Variants in RTN3 observed in about 807,000 individuals in gnomAD.
RTN3 encodes reticulon-3.
In RTN3, 49 loss-of-function variants were observed where a neutral mutation model predicts 77.8. The observed-to-expected ratio is 0.63, with a 90% CI of 0.50 to 0.80. RTN3 has a LOEUF of 0.80. Ranked by LOEUF, RTN3 falls within the 30% of genes least tolerant of loss-of-function variation. The probability of loss-of-function intolerance (pLI) is 0.00; values close to 1 mark genes in which losing one functional copy is unlikely to be tolerated. For missense variants in RTN3, 1,236 were observed against 1,211.9 expected (o/e 1.02, Z -0.29); for synonymous variants, 464 against 446.9 (o/e 1.04, Z -0.48).
intron 3 of RTN3, among the ~76,000 whole-genome samples, chr11:63,735,455 G>C (rs1000034711): frequency 2.0e-5 from 3 of 152,000 alleles, no homozygotes; most frequent in East Asian, 1.9e-4. Flanking sequence ...GAGGTGCTAT[G>C]TTCATGAATT....
chr11:63,747,986 A>G (rs1025264074), intron 3 of RTN3, among the ~76,000 whole-genome samples: 1 of 151,996 alleles, frequency 6.6e-6, no homozygotes, highest in Non-Finnish European at 1.5e-5. Context: ...CTAGCTATTC[A>G]TGGTGAAATT....
At chr11:63,699,427 T>C (rs1334071429) in intron 1 of RTN3, among the ~76,000 whole-genome samples, 2 of 152,190 alleles carry the variant, frequency 1.3e-5, no homozygotes, top group African/African-American at 2.4e-5. Context: ...CTGTCTTCTC[T>C]CTTGTCAGCA....
At chr11:63,683,943 CTTTTTTTTTTTTTTTT>C (rs35837590) in intron 1 of RTN3, among the ~76,000 whole-genome samples, 8 of 58,952 alleles carry the variant, frequency 1.4e-4, no homozygotes, top group Non-Finnish European at 2.7e-4. Context: ...TCTTTTCTTT[CTTTTTTTTTTTTTTTT>C]TTTTTTTTTT....
Position 63,758,729 on chromosome 11 carries a change from T to G in RTN3, c.*528T>G, listed in dbSNP as rs1281016121. On this transcript the variant is annotated 3_prime_UTR_variant, in exon 9 of 9. Coordinates refer to ENST00000377819, the MANE Select transcript of RTN3 (RefSeq NM_001265589.2). Reference sequence around the variant, plus strand: ...CAGCTACCCCTGATACTCCTTTTCTTTAATGATTTAACTATCAACTTGATA... The same window carrying G: ...CAGCTACCCCTGATACTCCTTTTCTGTAATGATTTAACTATCAACTTGATA... The G allele has an allele frequency of 9.8e-6, 2 of 203,308 alleles. No homozygotes were observed. Among genetic ancestry groups the G allele is most frequent in the Admixed American group, 1.2e-4 (2 of 16,854 alleles). The allele number at this position is 203,308 out of a possible 1,614,324, so 12.6% of individuals were successfully genotyped here.
intron 4 of RTN3, among the ~76,000 whole-genome samples, chr11:63,752,013 A>C (rs906406750): frequency 5.3e-5 from 8 of 151,806 alleles, no homozygotes; most frequent in Admixed American, 2.0e-4. Flanking sequence ...GCTAAAAAAA[A>C]CCCCCAGTAC....
At chr11:63,748,662 T>G (rs1470012861) in intron 3 of RTN3, among the ~76,000 whole-genome samples, 1 of 104,606 alleles carries the variant, frequency 9.6e-6, no homozygotes, top group Non-Finnish European at 1.9e-5. Flanking sequence ...CCCCACTCAC[T>G]TTTTTTTTTT....
At position 63,718,837 on chromosome 11, in the gene RTN3, C is replaced by T; in HGVS notation, c.335C>T (p.Pro112Leu). The change falls in exon 3 of 9, where the codon CCT becomes CTT. Residue 112 changes from proline to leucine, a missense_variant. Physicochemically the swap from Pro to Leu is moderately conservative, Grantham distance 98. Coordinates refer to ENST00000377819, the MANE Select transcript of RTN3 (RefSeq NM_001265589.2). ...GEKSHVLGSQ[P>L]ILAKEGKDHL... ...AAAAGCCATGTGTTAGGGAGCCAGC[C>T]TATTTTAGCCAAAGAAGGAAAAGAC... 1.2e-6 allele frequency: 2 copies of T among 1,614,110 alleles called. No homozygotes were observed. The highest frequency in any genetic ancestry group is 1.7e-6 in the Non-Finnish European group (2 of 1,180,032).
chr11:63,700,795 T>C (rs1187082003), intron 1 of RTN3, among the ~76,000 whole-genome samples: 5 of 151,970 alleles, frequency 3.3e-5, no homozygotes, highest in African/African-American at 4.8e-5. Flanking sequence ...CTGTGTATCC[T>C]GATAAGAATT....
At chr11:63,739,334 T>C (rs2135003987) in intron 3 of RTN3, among the ~76,000 whole-genome samples, 1 of 152,342 alleles carries the variant, frequency 6.6e-6, no homozygotes, top group Admixed American at 6.5e-5. Flanking sequence ...CTTCGTTCTT[T>C]TGAGAATTTT....
chr11:63,759,323 C>T lies in RTN3; in HGVS notation c.*1122C>T, dbSNP rs1017339986. On this transcript the variant is annotated 3_prime_UTR_variant, in exon 9 of 9. Transcript: ENST00000377819. ...TCATCTGTGAGTTCCTTCAGGTTCT[C>T]ACTCATAGTCATGATCCTTCAGAGG... The T allele has an allele frequency of 1.6e-4, 24 of 152,406 alleles. No homozygotes were observed. Among genetic ancestry groups the T allele is most frequent in the Admixed American group, 5.9e-4 (9 of 15,274 alleles). 9.4% of individuals were successfully genotyped at this position (152,406 alleles called of 1,614,324 possible).
chr11:63,690,569 C>T (rs546573293), intron 1 of RTN3, among the ~76,000 whole-genome samples: 11 of 152,296 alleles, frequency 7.2e-5, no homozygotes, highest in South Asian at 2.1e-4. Flanking sequence ...TTAATGCCCA[C>T]GCTTTAAGAT....
intron 1 of RTN3, among the ~76,000 whole-genome samples, chr11:63,687,608 TAA>T (rs35057519): frequency 3.3e-4 from 45 of 134,388 alleles, no homozygotes; most frequent in African/African-American, 5.8e-4. Flanking sequence ...AGACTCCATC[TAA>T]AAAAAAAAAA....
At chr11:63,757,244 A>G (rs1353834322) in intron 8 of RTN3, among the ~76,000 whole-genome samples, 1 of 152,240 alleles carries the variant, frequency 6.6e-6, no homozygotes, top group Non-Finnish European at 1.5e-5. Flanking sequence ...TAAAATATTG[A>G]CAAACATCTT....
At chr11:63,750,763 A>T (rs2014059801) in intron 4 of RTN3, among the ~76,000 whole-genome samples, 1 of 141,760 alleles carries the variant, frequency 7.1e-6, no homozygotes, top group South Asian at 2.2e-4. Flanking sequence ...ACAGAGTCTC[A>T]CTCTGTCGCC....
chr11:63,684,129 GTTTTTTTTTTTT>G (rs61663789), intron 1 of RTN3, among the ~76,000 whole-genome samples: 1 of 85,258 alleles, frequency 1.2e-5, no homozygotes, highest in Non-Finnish European at 2.0e-5. Flanking sequence ...TTTTCTTTTG[GTTTTTTTTTTTT>G]TTTTTTTTTT....
chr11:63,705,227 C>T lies in RTN3; in HGVS notation c.199+320C>T, dbSNP rs144269230. Among the ~76,000 whole-genome samples the T allele has an allele frequency of 2.4e-3, 364 of 152,288 alleles. 4 individuals carry two copies. The highest frequency in any genetic ancestry group is 7.6e-3 in the African/African-American group (314 of 41,548). On this transcript the variant is annotated intron_variant, in intron 2 of 8. Coordinates refer to ENST00000377819, the MANE Select transcript of RTN3 (RefSeq NM_001265589.2). ...CAGAGGCCAGGTGCAGTTGCTCACA[C>T]CTGTAATCTCAGCACTTTGGGAGGC... is the stretch of plus-strand genomic sequence containing the variant.
chr11:63,733,498 A>G (rs1277568229), intron 3 of RTN3, among the ~76,000 whole-genome samples: 1 of 151,976 alleles, frequency 6.6e-6, no homozygotes, highest in Admixed American at 6.6e-5. Flanking sequence ...AAAAAAAAAA[A>G]AGATTGGATA....
At chr11:63,725,159 T>G (rs1277399429) in intron 3 of RTN3, among the ~76,000 whole-genome samples, 1 of 152,194 alleles carries the variant, frequency 6.6e-6, no homozygotes, top group Non-Finnish European at 1.5e-5. Flanking sequence ...AACACCGTCA[T>G]GGACCTGGTA....
intron 1 of RTN3, among the ~76,000 whole-genome samples, chr11:63,685,271 G>A (rs1941305024): frequency 6.6e-6 from 1 of 151,596 alleles, no homozygotes; most frequent in African/African-American, 2.4e-5. Flanking sequence ...GAGGTGGTTG[G>A]ATCACCTGAG....
Sources: gnomAD v4.1 joint callset for allele counts (sites outside exome capture counted in the v4.1 genomes callset) on GRCh38, gnomAD v4.1.1 for gene constraint, MANE v1.5 for transcripts, NCBI Gene and HGNC (gene_info 2026-07-23, HGNC 2026-07-21) for gene names.